CA10: variants seen among roughly 807,000 people sequenced by gnomAD.
CA10 encodes the protein carbonic anhydrase-related protein 10.
CA10 carries 14 observed loss-of-function variants against 44.2 expected under a neutral mutation model. The ratio of observed to expected loss-of-function variants is 0.32; its 90% CI spans 0.21 to 0.50. The LOEUF (loss-of-function observed/expected upper bound fraction) is 0.50. Ranked by LOEUF, CA10 falls within the 20% of genes least tolerant of loss-of-function variation. The pLI, the probability that CA10 is intolerant of heterozygous loss-of-function variation, is 0.99. For missense variants in CA10, 350 were observed against 409.7 expected (o/e 0.85, Z 1.26); for synonymous variants, 159 against 141.6 (o/e 1.12, Z -0.87).
At chr17:51,990,111 C>A (rs1984988488) in intron 2 of CA10, among the ~76,000 whole-genome samples, 2 of 152,084 alleles carry the variant, frequency 1.3e-5, no homozygotes, top group Admixed American at 1.3e-4. Context: ...ACATCTAGCT[C>A]TTCAAAGATA....
chr17:51,927,002 A>C (rs1411837323), intron 3 of CA10, among the ~76,000 whole-genome samples: 6 of 152,190 alleles, frequency 3.9e-5, no homozygotes, highest in Non-Finnish European at 8.8e-5. Flanking sequence ...GTTTTAGCAA[A>C]TCTAGAAACT....
intron 2 of CA10, among the ~76,000 whole-genome samples, chr17:52,033,910 T>C (rs1222174270): frequency 1.3e-5 from 2 of 152,246 alleles, no homozygotes; most frequent in African/African-American, 4.8e-5. Flanking sequence ...GAAGACATTA[T>C]GCTAAGTGAA....
At chr17:51,724,052 G>A (rs923277692) in intron 4 of CA10, among the ~76,000 whole-genome samples, 1 of 152,146 alleles carries the variant, frequency 6.6e-6, no homozygotes, top group Non-Finnish European at 1.5e-5. Flanking sequence ...GATGAGGGGG[G>A]ACTGGAAGTT....
At chr17:51,793,470 T>C (rs571345257) in intron 3 of CA10, among the ~76,000 whole-genome samples, 2 of 152,246 alleles carry the variant, frequency 1.3e-5, no homozygotes, top group African/African-American at 4.8e-5. Flanking sequence ...TCCCTGACAA[T>C]CTTTAATTTG....
chr17:51,756,754 G>A (rs1905093150), intron 3 of CA10, among the ~76,000 whole-genome samples: 1 of 152,118 alleles, frequency 6.6e-6, no homozygotes, highest in East Asian at 1.9e-4. Context: ...GGGATTACAG[G>A]TGTGAGCCAC....
chr17:51,877,232 A>T (rs2143875124), intron 3 of CA10, among the ~76,000 whole-genome samples: 1 of 152,316 alleles, frequency 6.6e-6, no homozygotes, highest in East Asian at 1.9e-4. Context: ...AATGACATGG[A>T]AGAGAGTACC....
At chr17:51,938,921 T>A (rs1164223148) in intron 2 of CA10, among the ~76,000 whole-genome samples, 6 of 152,154 alleles carry the variant, frequency 3.9e-5, no homozygotes, top group Non-Finnish European at 7.4e-5. Flanking sequence ...GAATTTGAGA[T>A]CAGTTTCTTT....
intron 4 of CA10, among the ~76,000 whole-genome samples, chr17:51,657,057 G>A (rs146984866): frequency 6.6e-6 from 1 of 152,178 alleles, no homozygotes; most frequent in South Asian, 2.1e-4. Flanking sequence ...AGAGGTGGAG[G>A]TTGGGGGGTA....
At chr17:51,993,040 C>G (rs1377113191) in intron 2 of CA10, among the ~76,000 whole-genome samples, 1 of 152,090 alleles carries the variant, frequency 6.6e-6, no homozygotes, top group Non-Finnish European at 1.5e-5. Flanking sequence ...ACATTTTATG[C>G]AGATATCAGC....
intron 2 of CA10, among the ~76,000 whole-genome samples, chr17:52,065,221 GA>G (rs1452675165): frequency 1.3e-5 from 2 of 152,156 alleles, no homozygotes; most frequent in Admixed American, 1.3e-4. Flanking sequence ...ATTACACAAG[GA>G]GGCTCTCCTT....
At chr17:51,819,863 T>A (rs1907695473) in intron 3 of CA10, among the ~76,000 whole-genome samples, 1 of 152,072 alleles carries the variant, frequency 6.6e-6, no homozygotes, top group South Asian at 2.1e-4. Context: ...AAATGTATGC[T>A]CTCTGTCTCT....
intron 3 of CA10, among the ~76,000 whole-genome samples, chr17:51,794,589 A>T (rs1906639586): frequency 6.6e-6 from 1 of 152,242 alleles, no homozygotes; most frequent in African/African-American, 2.4e-5. Flanking sequence ...AAACCATATA[A>T]GTATCATGTG....
At chr17:52,140,290 G>A (rs994315896) in intron 1 of CA10, among the ~76,000 whole-genome samples, 3 of 152,158 alleles carry the variant, frequency 2.0e-5, no homozygotes, top group Non-Finnish European at 4.4e-5. Context: ...TAGAGCAAGG[G>A]TTAGCAAACA....
intron 2 of CA10, among the ~76,000 whole-genome samples, chr17:51,995,263 C>T (rs1308314466): frequency 6.6e-6 from 1 of 151,798 alleles, no homozygotes; most frequent in African/African-American, 2.4e-5. Context: ...AAATAAAACC[C>T]AACACCCAGC....
chr17:51,812,339 T>C (rs186806676), intron 3 of CA10, among the ~76,000 whole-genome samples: 38 of 152,370 alleles, frequency 2.5e-4, no homozygotes, highest in Non-Finnish European at 4.6e-4. Flanking sequence ...GTTGCATCTA[T>C]ATGGTAGAGA....
At chr17:52,153,264 G>C (rs1464318886) in intron 1 of CA10, among the ~76,000 whole-genome samples, 3 of 152,064 alleles carry the variant, frequency 2.0e-5, no homozygotes, top group African/African-American at 7.2e-5. Context: ...ATGGGAAACT[G>C]GATTTAAAGA....
chr17:51,882,017 T>C (rs1433911654), intron 3 of CA10, among the ~76,000 whole-genome samples: 2 of 151,242 alleles, frequency 1.3e-5, no homozygotes, highest in Non-Finnish European at 2.9e-5. Context: ...ATGCTAATGG[T>C]TCATCAATAG....
chr17:51,894,817 A>C (rs969249351), intron 3 of CA10, among the ~76,000 whole-genome samples: 1 of 152,128 alleles, frequency 6.6e-6, no homozygotes, highest in Non-Finnish European at 1.5e-5. Flanking sequence ...AATAGACCCA[A>C]TAACTCTGTA....
At chr17:51,797,669 C>T (rs1031244228) in intron 3 of CA10, among the ~76,000 whole-genome samples, 21 of 151,990 alleles carry the variant, frequency 1.4e-4, no homozygotes, top group African/African-American at 5.1e-4. Flanking sequence ...GCCTGACCAA[C>T]ATGGTGAAAC....
Sources: allele counts gnomAD v4.1 joint callset (sites outside exome capture counted in the v4.1 genomes callset), GRCh38; gene constraint gnomAD v4.1.1; transcripts MANE v1.5; gene names NCBI Gene and HGNC (gene_info 2026-07-23, HGNC 2026-07-21).